Variants in USP22 observed in about 807,000 individuals in gnomAD.
USP22 encodes the protein ubiquitin carboxyl-terminal hydrolase 22.
In USP22, 22 loss-of-function variants were observed where a neutral mutation model predicts 68.1. The observed-to-expected ratio is 0.32, with a 90% CI of 0.23 to 0.46. USP22 has a LOEUF of 0.46. USP22 is among the 20% of genes least tolerant of loss of function. The probability of loss-of-function intolerance (pLI) is 1.00; values close to 1 mark genes in which losing one functional copy is unlikely to be tolerated. For synonymous variants in USP22, 279 were observed against 274.2 expected (o/e 1.02, Z -0.17); for missense variants, 433 against 695.8 (o/e 0.62, Z 4.25).
intron 5 of USP22, 82 bp from the exon 6 acceptor site, chr17:21,015,981 C>CAGATA: frequency 6.8e-7 from 1 of 1,471,408 alleles, no homozygotes. Flanking sequence ...AAACCTTTAT[C>CAGATA]AGATGCCTAC....
At chr17:21,028,474 A>G (rs1043867828) in intron 2 of USP22, 68 bp downstream of exon 2, 1 of 1,586,900 alleles carries the variant, frequency 6.3e-7, no homozygotes, top group Non-Finnish European at 8.6e-7. Flanking sequence ...TGGAACTGCA[A>G]ATCAAAAAAT....
At position 21,002,933 on chromosome 17, in the gene USP22, G is replaced by C; in HGVS notation, c.*98C>G. ...GGAGGTGGTGTCACCAGGCCGGGGAGGCGGCGGGAGACTTGGGGGAGGGGG... is the reference window on the plus strand; with the variant it reads ...GGAGGTGGTGTCACCAGGCCGGGGACGCGGCGGGAGACTTGGGGGAGGGGG... On this transcript the variant is annotated 3_prime_UTR_variant, in exon 13 of 13. Coordinates refer to ENST00000261497, the MANE Select transcript of USP22 (RefSeq NM_015276.2). The C allele has an allele frequency of 6.8e-7, 1 of 1,466,914 alleles. No individual in the cohort carries two copies. The highest frequency in any genetic ancestry group is 9.4e-7 in the Non-Finnish European group (1 of 1,058,216). 90.9% of individuals were successfully genotyped at this position (1,466,914 alleles called of 1,614,324 possible). A position where few individuals can be genotyped will look rare whatever the true frequency, so the allele number is the denominator to read the frequency against.
upstream of USP22, chr17:21,043,123 A>ACCCCCCCCCCCC (rs1334241677): frequency 3.7e-4 from 7 of 18,886 alleles, 1 homozygote; most frequent in Middle Eastern, 0.033. Context: ...AGATTACGTC[A>ACCCCCCCCCCCC]CCCCCCCCCC....
In USP22 at chr17:21,009,098, A is replaced by G. The variant is rs1486198521; in HGVS notation, c.1104-1102T>C. 1.7e-4 allele frequency among the ~76,000 whole-genome samples: 25 copies of G among 148,248 alleles called. 2 individuals carry two copies. Among genetic ancestry groups the G allele is most frequent in the African/African-American group, 5.6e-4 (23 of 40,730 alleles). The stretch of plus-strand genomic sequence containing the variant: ...AAGAGCAAGACTCCATTTCAAAAAA[A>G]AAAAAAAAAAAAAAAAAAGGCAAGA... On this transcript the variant is annotated intron_variant, in intron 8 of 12. Transcript: ENST00000261497.
chr17:21,016,355 T>C (rs1914133162), intron 5 of USP22, among the ~76,000 whole-genome samples: 1 of 152,226 alleles, frequency 6.6e-6, no homozygotes, highest in African/African-American at 2.4e-5. Flanking sequence ...AGCTGAGGGC[T>C]TGCCAGCCAG....
intron 1 of USP22, among the ~76,000 whole-genome samples, chr17:21,030,307 T>C (rs923219020): frequency 3.9e-5 from 6 of 152,212 alleles, no homozygotes; most frequent in African/African-American, 1.4e-4. Flanking sequence ...CTATCCCTTT[T>C]TTCCCCCAAA....
Position 21,018,020 on chromosome 17 carries a change from G to A in USP22, c.612C>T (p.Phe204=). ...LTHTPLLRDF[F]LSDRHRCEMQ... The stretch of plus-strand genomic sequence containing the variant: ...TCTCACAGCGGTGCCTGTCAGACAG[G>A]AAGAAGTCCCGCAGAAGTGGCGTGT... The change falls in exon 5 of 13, where the codon TTC becomes TTT. Residue 204 remains phenylalanine, a synonymous_variant. Transcript: ENST00000261497. 6.2e-7 allele frequency: 1 copy of A among 1,614,140 alleles called. No individual in the cohort carries two copies. The highest frequency in any genetic ancestry group is 8.5e-7 in the Non-Finnish European group (1 of 1,180,044).
chr17:21,023,932 G>C (rs1216924329), intron 2 of USP22, among the ~76,000 whole-genome samples: 1 of 152,196 alleles, frequency 6.6e-6, no homozygotes, highest in Non-Finnish European at 1.5e-5. Flanking sequence ...AAACAGGGAA[G>C]TCTTGGAACA....
At chr17:21,011,443 G>A in intron 7 of USP22, 134 bp from the exon 8 acceptor site, 3 of 1,186,090 alleles carry the variant, frequency 2.5e-6, no homozygotes, top group Non-Finnish European at 3.6e-6. Context: ...GTGGGATGGG[G>A]CAGGAGCAAG....
chr17:21,002,808 C>G lies in USP22; in HGVS notation c.*223G>C. 3.8e-6 allele frequency: 2 copies of G among 532,182 alleles called. No individual in the cohort carries two copies. Among genetic ancestry groups the G allele is most frequent in the Non-Finnish European group, 6.9e-6 (2 of 291,408 alleles). 33.0% of individuals were successfully genotyped at this position (532,182 alleles called of 1,614,324 possible). A position where few individuals can be genotyped will look rare whatever the true frequency, so the allele number is the denominator to read the frequency against. ...TGCTCCTCCCACCCAGAGCACACCC[C>G]TCATCTCATCCATCTTCAAAGCAGC... On this transcript the variant is annotated 3_prime_UTR_variant, in exon 13 of 13. Transcript: ENST00000261497.
chr17:21,035,788 C>T (rs904496129), intron 1 of USP22, among the ~76,000 whole-genome samples: 40 of 152,052 alleles, frequency 2.6e-4, no homozygotes, highest in South Asian at 2.1e-4. Context: ...CCCAGCACTT[C>T]GGGAGGCTGA....
At chr17:21,041,611 T>C (rs1460225825) in intron 1 of USP22, among the ~76,000 whole-genome samples, 1 of 152,158 alleles carries the variant, frequency 6.6e-6, no homozygotes, top group Non-Finnish European at 1.5e-5. Context: ...AAAATAATTT[T>C]TTTTTTGAAT....
At chr17:21,029,490 T>C (rs1972262932) in intron 1 of USP22, among the ~76,000 whole-genome samples, 4 of 152,258 alleles carry the variant, frequency 2.6e-5, no homozygotes, top group Admixed American at 6.5e-5. Context: ...CTAATAAATA[T>C]CGTAAAAAGA....
At chr17:21,016,583 A>T (rs1972086157) in intron 5 of USP22, among the ~76,000 whole-genome samples, 1 of 152,236 alleles carries the variant, frequency 6.6e-6, no homozygotes, top group Non-Finnish European at 1.5e-5. Context: ...ACATAATGGA[A>T]CCCAACTCAG....
At chr17:21,026,601 G>A (rs889145630) in intron 2 of USP22, among the ~76,000 whole-genome samples, 2 of 151,670 alleles carry the variant, frequency 1.3e-5, no homozygotes, top group Admixed American at 1.3e-4. Context: ...TGGGATTACA[G>A]GTGCAAGCCA....
In USP22 at chr17:21,019,121, G is replaced by A; in HGVS notation, c.483C>T (p.Asn161=). 1 of 1,614,214 alleles carries A rather than the reference G, an allele frequency of 6.2e-7. No individual in the cohort carries two copies. Among genetic ancestry groups the A allele is most frequent in the Non-Finnish European group, 8.5e-7 (1 of 1,180,020 alleles). The part of the protein sequence containing the change: ...TKRELELLKH[N]PKRRKITSNC... ...TCGAGGTGATCTTTCTCCTTTTCGG[G>A]TTGTGCTTCAGCAGTTCAAGCTCCC... The change falls in exon 4 of 13, where the codon AAC becomes AAT. Residue 161 remains asparagine (N), a synonymous_variant. Transcript: ENST00000261497.
At position 21,005,016 on chromosome 17, in the gene USP22, G is replaced by C. The variant is rs775447517; in HGVS notation, c.1323-26C>G. 3.1e-6 allele frequency: 5 copies of C among 1,612,938 alleles called. No homozygotes were observed. The Admixed American group carries it at 8.4e-5, about 27-fold the overall frequency. Reference sequence around the variant, plus strand: ...CTGTAACAGACAACGGCAGGATTCAGCATCATTAAAATCATCAGGCCCAGA... The same window carrying C: ...CTGTAACAGACAACGGCAGGATTCACCATCATTAAAATCATCAGGCCCAGA... On this transcript the variant is annotated intron_variant, in intron 10 of 12. Coordinates refer to ENST00000261497, the MANE Select transcript of USP22 (RefSeq NM_015276.2).
intron 8 of USP22, among the ~76,000 whole-genome samples, chr17:21,009,215 G>A (rs950298491): frequency 3.3e-5 from 5 of 151,822 alleles, no homozygotes; most frequent in African/African-American, 9.7e-5. Flanking sequence ...AGCTGCCACT[G>A]ACAAAACCTG....
intron 12 of USP22, 152 bp from the exon 13 acceptor site, chr17:21,003,225 GAA>G (rs1567788743): frequency 7.0e-6 from 6 of 862,212 alleles, no homozygotes; most frequent in Admixed American, 4.2e-5. Context: ...CCGCAAGGAG[GAA>G]AGAGTGCTTC....
Sources: gnomAD v4.1 joint callset for allele counts (sites outside exome capture counted in the v4.1 genomes callset) on GRCh38, gnomAD v4.1.1 for gene constraint, MANE v1.5 for transcripts, NCBI Gene and HGNC (gene_info 2026-07-23, HGNC 2026-07-21) for gene names.